The following ZMYM2 variants were observed in gnomAD, a reference collection of about 807,000 sequenced individuals.
The protein encoded by ZMYM2 is zinc finger MYM-type protein 2.
Under a neutral mutation model 162.8 loss-of-function variants are expected in ZMYM2, and 56 were observed. The ratio of observed to expected loss-of-function variants is 0.34; its 90% CI spans 0.28 to 0.43. ZMYM2 has a LOEUF of 0.43. Ranked by LOEUF, ZMYM2 falls within the 20% of genes least tolerant of loss-of-function variation. The pLI is 1.00. For synonymous variants in ZMYM2, 510 were observed against 541.6 expected (o/e 0.94, Z 0.81); for missense variants, 1,275 against 1,621.8 (o/e 0.79, Z 3.67).
chr13:20,014,897 C>T (rs545760523), intron 6 of ZMYM2, among the ~76,000 whole-genome samples: 49 of 151,044 alleles, frequency 3.2e-4, no homozygotes, highest in Admixed American at 5.3e-4. Flanking sequence ...CCTGAGTAGC[C>T]GGGATTACAG....
chr13:19,916,237 A>G, the ZMYM2 span, among the ~76,000 whole-genome samples: 1 of 152,082 alleles, frequency 6.6e-6, no homozygotes, highest in Non-Finnish European at 1.5e-5. Context: ...GATGTGGAGA[A>G]ATAGGAACGC....
chr13:19,873,598 G>C, the ZMYM2 span, among the ~76,000 whole-genome samples: 2 of 151,982 alleles, frequency 1.3e-5, no homozygotes, highest in South Asian at 4.2e-4. Context: ...TAGTAGAGAC[G>C]GGGTTTTGCC....
the ZMYM2 span, among the ~76,000 whole-genome samples, chr13:19,911,916 T>C: frequency 6.6e-6 from 1 of 152,222 alleles, no homozygotes; most frequent in Non-Finnish European, 1.5e-5. Context: ...AATATCACTG[T>C]CGAGACCTTG....
At chr13:19,882,477 T>C in the ZMYM2 span, among the ~76,000 whole-genome samples, 1 of 152,162 alleles carries the variant, frequency 6.6e-6, no homozygotes, top group African/African-American at 2.4e-5. Flanking sequence ...GGCGTGGTGG[T>C]AGCTCACACC....
chr13:19,931,919 C>T, the ZMYM2 span, among the ~76,000 whole-genome samples: 3 of 152,198 alleles, frequency 2.0e-5, no homozygotes, highest in African/African-American at 7.2e-5. Flanking sequence ...GCCACTACAC[C>T]CAGTTCCTTA....
chr13:19,878,593 C>T, the ZMYM2 span, among the ~76,000 whole-genome samples: 1 of 145,488 alleles, frequency 6.9e-6, no homozygotes, highest in African/African-American at 2.6e-5. Flanking sequence ...ACCATCTCGG[C>T]TCACTGCAAC....
At chr13:19,885,457 G>A in the ZMYM2 span, among the ~76,000 whole-genome samples, 3 of 152,238 alleles carry the variant, frequency 2.0e-5, no homozygotes, top group Admixed American at 1.3e-4. Flanking sequence ...ACTGAGATAA[G>A]GAACTTAGCT....
the ZMYM2 span, among the ~76,000 whole-genome samples, chr13:19,885,861 A>ATG: frequency 1.9e-5 from 1 of 53,090 alleles, no homozygotes; most frequent in Non-Finnish European, 4.5e-5. Flanking sequence ...AAAAAAAAAA[A>ATG]AATATATATA....
chr13:19,986,387 G>A (rs535472284), intron 2 of ZMYM2, among the ~76,000 whole-genome samples: 1 of 151,836 alleles, frequency 6.6e-6, no homozygotes, highest in East Asian at 1.9e-4. Flanking sequence ...AAAAAAGAAG[G>A]GTGATTATTT....
intron 21 of ZMYM2, among the ~76,000 whole-genome samples, chr13:20,074,286 C>T (rs916356651): frequency 3.3e-5 from 5 of 151,326 alleles, no homozygotes; most frequent in African/African-American, 1.2e-4. Flanking sequence ...GGCTGGAGTC[C>T]AGTGGCATGA....
At chr13:19,996,093 C>T (rs756388104) in intron 3 of ZMYM2, among the ~76,000 whole-genome samples, 1 of 151,796 alleles carries the variant, frequency 6.6e-6, no homozygotes, top group East Asian at 1.9e-4. Flanking sequence ...TGTCTATCGG[C>T]GTTTCTCTCT....
intron 21 of ZMYM2, among the ~76,000 whole-genome samples, chr13:20,073,871 A>T (rs1297849713): frequency 6.6e-6 from 1 of 152,130 alleles, no homozygotes; most frequent in Non-Finnish European, 1.5e-5. Context: ...CATAACATAA[A>T]ATTTACGGTT....
the ZMYM2 span, among the ~76,000 whole-genome samples, chr13:19,865,426 G>A: frequency 6.6e-6 from 1 of 152,194 alleles, no homozygotes; most frequent in Non-Finnish European, 1.5e-5. Context: ...ATATTGCATA[G>A]TGCTGTATGT....
chr13:19,942,749 C>T, the ZMYM2 span, among the ~76,000 whole-genome samples: 1 of 151,864 alleles, frequency 6.6e-6, no homozygotes, highest in African/African-American at 2.4e-5. Context: ...TTTGAAATAG[C>T]TCATAATTTT....
At chr13:19,865,810 GAAAA>G in the ZMYM2 span, among the ~76,000 whole-genome samples, 2 of 151,412 alleles carry the variant, frequency 1.3e-5, no homozygotes, top group Admixed American at 6.6e-5. Flanking sequence ...GAAAATTTAG[GAAAA>G]AAAAGTCTTC....
intron 2 of ZMYM2, among the ~76,000 whole-genome samples, chr13:19,978,171 C>T (rs1222440597): frequency 6.6e-6 from 1 of 152,012 alleles, no homozygotes; most frequent in Non-Finnish European, 1.5e-5. Context: ...GCCACTGCAC[C>T]CAGCCTAAAA....
intron 19 of ZMYM2, chr13:20,066,535 A>G (rs1956690069): frequency 4.7e-6 from 1 of 212,476 alleles, no homozygotes; most frequent in South Asian, 1.8e-4. Context: ...CAAGAGAATC[A>G]TATGGGAGAG....
chr13:19,989,951 C>T (rs369519973), intron 2 of ZMYM2, among the ~76,000 whole-genome samples: 3 of 152,302 alleles, frequency 2.0e-5, no homozygotes, highest in African/African-American at 7.2e-5. Context: ...TCTCCCATCA[C>T]CACCCTTTTT....
At chr13:20,008,292 G>A (rs1325788840) in intron 6 of ZMYM2, among the ~76,000 whole-genome samples, 2 of 151,984 alleles carry the variant, frequency 1.3e-5, no homozygotes, top group Non-Finnish European at 2.9e-5. Flanking sequence ...CACCATGCCC[G>A]ACTAATTTTT....
Sources: gnomAD v4.1 joint callset for allele counts (sites outside exome capture counted in the v4.1 genomes callset) on GRCh38, gnomAD v4.1.1 for gene constraint, MANE v1.5 for transcripts, NCBI Gene and HGNC (gene_info 2026-07-23, HGNC 2026-07-21) for gene names.